NTAQ1: variants seen among roughly 807,000 people sequenced by gnomAD.
The protein encoded by NTAQ1 is N-terminal glutamine amidase 1.
Under a neutral mutation model 28.2 loss-of-function variants are expected in NTAQ1, and 21 were observed. The observed-to-expected ratio is 0.74, with a 90% CI of 0.53 to 1.07. The LOEUF (loss-of-function observed/expected upper bound fraction) is 1.07. NTAQ1 is among the 50% of genes least tolerant of loss of function. The pLI is 0.00. For synonymous variants in NTAQ1, 105 were observed against 90.0 expected (o/e 1.17, Z -0.94); for missense variants, 264 against 256.6 (o/e 1.03, Z -0.20).
chr8:123,460,892 T>A (rs1388264981), intron 6 of NTAQ1, among the ~76,000 whole-genome samples: 1 of 152,126 alleles, frequency 6.6e-6, no homozygotes, highest in Non-Finnish European at 1.5e-5. Context: ...CATCCAGAGA[T>A]GAGTTGAGGA....
At chr8:123,424,718 T>G (rs1417669775) in intron 1 of NTAQ1, among the ~76,000 whole-genome samples, 3 of 152,170 alleles carry the variant, frequency 2.0e-5, no homozygotes, top group African/African-American at 7.2e-5. Context: ...TTGTATTAAC[T>G]CTAAGCCCAC....
chr8:123,470,316 A>C (rs953926899), downstream of NTAQ1, among the ~76,000 whole-genome samples: 4 of 152,210 alleles, frequency 2.6e-5, no homozygotes, highest in Non-Finnish European at 5.9e-5. Context: ...CATCCTCTCA[A>C]GGGTTCGTGA....
At chr8:123,456,164 A>AT (rs1815645174) in intron 6 of NTAQ1, among the ~76,000 whole-genome samples, 1 of 152,188 alleles carries the variant, frequency 6.6e-6, no homozygotes, top group African/African-American at 2.4e-5. Context: ...ATGACATTGC[A>AT]TTGCAGAGGT....
downstream of NTAQ1, among the ~76,000 whole-genome samples, chr8:123,473,854 A>G (rs927568431): frequency 1.3e-5 from 2 of 152,220 alleles, no homozygotes; most frequent in African/African-American, 2.4e-5. Context: ...GTTAAAGGAA[A>G]GAGCACATAT....
chr8:123,436,078 A>C (rs945893130), intron 3 of NTAQ1, among the ~76,000 whole-genome samples: 2 of 149,728 alleles, frequency 1.3e-5, no homozygotes, highest in Non-Finnish European at 3.0e-5. Context: ...CTGAGGCAAG[A>C]GAATTGCTTG....
Position 123,437,276 on chromosome 8 carries a change from A to G in NTAQ1, c.450A>G (p.Lys150=). The change falls in exon 5 of 6, where the codon AAA becomes AAG. Residue 150 remains lysine (K), a synonymous_variant. Coordinates refer to ENST00000287387, the MANE Select transcript of NTAQ1 (RefSeq NM_018024.3). The part of the protein sequence containing the change: ...KNFASDRSHM[K]DSSGNWREPP... ...TTGCTTCTGACCGATCTCACATGAAAGACTCCAGTGGGAATTGGAGAGAGC... is the reference window on the plus strand; with the variant it reads ...TTGCTTCTGACCGATCTCACATGAAGGACTCCAGTGGGAATTGGAGAGAGC... The G allele has an allele frequency of 6.2e-7, 1 of 1,614,202 alleles. No individual in the cohort carries two copies. The highest frequency in any genetic ancestry group is 1.3e-5 in the African/African-American group (1 of 75,058).
At chr8:123,465,382 A>G (rs1018200313) in intron 6 of NTAQ1, among the ~76,000 whole-genome samples, 1 of 152,084 alleles carries the variant, frequency 6.6e-6, no homozygotes, top group Admixed American at 6.6e-5. Context: ...GGACACCGTC[A>G]CCAGCTTCCG....
chr8:123,432,704 G>T (rs1295007836), intron 3 of NTAQ1, among the ~76,000 whole-genome samples: 7 of 149,978 alleles, frequency 4.7e-5, no homozygotes, highest in Admixed American at 4.0e-4. Context: ...TTTTGAGATG[G>T]AGTCTCACTC....
intron 6 of NTAQ1, among the ~76,000 whole-genome samples, chr8:123,466,925 A>T (rs976713231): frequency 6.6e-6 from 1 of 152,146 alleles, no homozygotes; most frequent in Non-Finnish European, 1.5e-5. Context: ...AACATCTTCT[A>T]TATATAAGTT....
At chr8:123,461,342 C>T (rs1031099787) in intron 6 of NTAQ1, among the ~76,000 whole-genome samples, 5 of 152,164 alleles carry the variant, frequency 3.3e-5, no homozygotes, top group Non-Finnish European at 5.9e-5. Flanking sequence ...CTCACGTCCC[C>T]ACTCCCTACT....
chr8:123,432,388 C>G (rs2130257546), intron 3 of NTAQ1, among the ~76,000 whole-genome samples: 1 of 152,088 alleles, frequency 6.6e-6, no homozygotes, highest in South Asian at 2.1e-4. Flanking sequence ...ACCTGTAATC[C>G]CAGCACTTTG....
intron 1 of NTAQ1, among the ~76,000 whole-genome samples, chr8:123,423,232 T>TCTCCCTCCTTCC (rs113452424): frequency 1.4e-5 from 2 of 142,976 alleles, no homozygotes; most frequent in African/African-American, 2.6e-5. Context: ...TCCTTCCCTC[T>TCTCCCTCCTTCC]CTCCCTCCTT....
chr8:123,474,819 G>A (rs1364555178), downstream of NTAQ1, among the ~76,000 whole-genome samples: 1 of 152,112 alleles, frequency 6.6e-6, no homozygotes, highest in African/African-American at 2.4e-5. Context: ...CCCAGGAGGA[G>A]GAGGTTGCAG....
intron 6 of NTAQ1, among the ~76,000 whole-genome samples, chr8:123,454,399 A>G (rs148164004): frequency 8.6e-4 from 131 of 151,832 alleles, no homozygotes; most frequent in African/African-American, 2.9e-3. Context: ...AGGGAGTTTC[A>G]CTGTGGTTGC....
chr8:123,439,320 A>G (rs1187443671), intron 5 of NTAQ1, among the ~76,000 whole-genome samples: 4 of 149,410 alleles, frequency 2.7e-5, no homozygotes, highest in Non-Finnish European at 4.4e-5. Flanking sequence ...TTGGGATTAC[A>G]GGCATACACC....
chr8:123,447,541 A>G (rs1377270245), intron 6 of NTAQ1, among the ~76,000 whole-genome samples: 1 of 152,124 alleles, frequency 6.6e-6, no homozygotes, highest in South Asian at 2.1e-4. Context: ...TTTACAGATG[A>G]GGAAACTGAT....
At chr8:123,435,983 C>T (rs1228650566) in intron 3 of NTAQ1, among the ~76,000 whole-genome samples, 1 of 151,674 alleles carries the variant, frequency 6.6e-6, no homozygotes, top group African/African-American at 2.4e-5. Flanking sequence ...GCCTTGCCAG[C>T]ATGATGAAAC....
intron 1 of NTAQ1, among the ~76,000 whole-genome samples, chr8:123,427,470 C>G (rs1341348712): frequency 6.6e-6 from 1 of 151,872 alleles, no homozygotes; most frequent in East Asian, 1.9e-4. Flanking sequence ...TCAGGCTGGT[C>G]TCTCTGCCAG....
At chr8:123,432,312 A>G (rs1814445222) in intron 3 of NTAQ1, among the ~76,000 whole-genome samples, 2 of 152,176 alleles carry the variant, frequency 1.3e-5, no homozygotes, top group Admixed American at 6.6e-5. Context: ...CATCACAAAT[A>G]TATCTGCCAC....
Sources: gnomAD v4.1 joint callset for allele counts (sites outside exome capture counted in the v4.1 genomes callset) on GRCh38, gnomAD v4.1.1 for gene constraint, MANE v1.5 for transcripts, NCBI Gene and HGNC (gene_info 2026-07-23, HGNC 2026-07-21) for gene names.